The following NELFCD variants were observed in gnomAD, a reference collection of about 807,000 sequenced individuals.
The protein encoded by NELFCD is negative elongation factor C/D.
A neutral mutation model predicts 72.9 loss-of-function variants in NELFCD; 48 were observed. That is an observed-to-expected ratio of 0.66 (90% confidence interval 0.52 to 0.84). The LOEUF (loss-of-function observed/expected upper bound fraction) is 0.84. NELFCD is among the 40% of genes least tolerant of loss of function. The pLI, the probability that NELFCD is intolerant of heterozygous loss-of-function variation, is 0.00. For missense variants in NELFCD, 538 were observed against 723.8 expected (o/e 0.74, Z 2.94); for synonymous variants, 297 against 280.6 (o/e 1.06, Z -0.59).
In NELFCD at chr20:58,990,979, T is replaced by C. The variant is rs2091812210; in HGVS notation, c.858T>C (p.Ala286=). The C allele has an allele frequency of 2.5e-6, 4 of 1,614,148 alleles. No individual in the cohort carries two copies. The South Asian group carries it at 4.4e-5, about 18-fold the overall frequency. The change falls in exon 8 of 15, where the codon GCT becomes GCC. Residue 286 remains alanine (A), a synonymous_variant. Coordinates refer to ENST00000652272, the MANE Select transcript of NELFCD (RefSeq NM_198976.4). Reference sequence around the variant, plus strand: ...CCTCCTACCCCAGGGCCTGCCAGGCTCTCGGGGCCATGCTGTCCAAAGGAG... The same window carrying C: ...CCTCCTACCCCAGGGCCTGCCAGGCCCTCGGGGCCATGCTGTCCAAAGGAG... The part of the protein sequence containing the change: ...TAASYPRACQ[A]LGAMLSKGAL...
chr20:58,991,841 C>G (rs1569059575), intron 9 of NELFCD, 40 bp from the exon 10 acceptor site: 2 of 1,605,088 alleles, frequency 1.2e-6, no homozygotes, highest in Non-Finnish European at 1.7e-6. Context: ...GCAGGGATAT[C>G]TGCCCTGTCA....
intron 5 of NELFCD, 38 bp from the exon 6 acceptor site, chr20:58,989,450 T>G (rs765075357): frequency 5.0e-6 from 8 of 1,609,674 alleles, no homozygotes; most frequent in African/African-American, 1.3e-5. Flanking sequence ...GTGCGGTCAC[T>G]GCATGCCTCC....
chr20:58,991,749 T>C (rs1286762899), intron 9 of NELFCD, 132 bp from the exon 10 acceptor site: 1 of 1,061,444 alleles, frequency 9.4e-7, no homozygotes, highest in East Asian at 2.6e-5. Context: ...CTGTGAAGTT[T>C]GACAGCTGAA....
chr20:58,987,676 G>A (rs1276570226), intron 3 of NELFCD, 32 bp from the exon 4 acceptor site: 1 of 1,556,642 alleles, frequency 6.4e-7, no homozygotes, highest in Non-Finnish European at 8.8e-7. Context: ...TGGACAGCTT[G>A]CCATTGTCTA....
chr20:58,984,638 G>T (rs552712976), intron 1 of NELFCD, among the ~76,000 whole-genome samples: 3 of 152,184 alleles, frequency 2.0e-5, no homozygotes, highest in East Asian at 3.8e-4. Context: ...TGTTTCTAGG[G>T]AAGAGATGTC....
Position 58,993,648 on chromosome 20 carries a change from G to A in NELFCD, c.1465G>A (p.Asp489Asn). The A allele has an allele frequency of 6.2e-7, 1 of 1,614,228 alleles. No individual in the cohort carries two copies. Among genetic ancestry groups the A allele is most frequent in the Non-Finnish European group, 8.5e-7 (1 of 1,180,044 alleles). Reference protein sequence around the residue: ...EQLELKKTLLDRMVHLLSRGY... With the variant: ...EQLELKKTLLNRMVHLLSRGY... ...GCTTGAGTTGAAGAAGACACTGCTG[G>A]ACAGGATGGTTCACCTGCTGAGTCG... is the stretch of plus-strand genomic sequence containing the variant. The change falls in exon 13 of 15, where the codon GAC becomes AAC. Residue 489 changes from aspartate to asparagine, a missense_variant. By Grantham distance (23) the Asp-to-Asn change is conservative. Coordinates refer to ENST00000652272, the MANE Select transcript of NELFCD (RefSeq NM_198976.4). This position sits in a 1 kb window ranked among gnomAD's most constrained non-coding sequence, Gnocchi z 5.0.
Position 58,992,036 on chromosome 20 carries a change from C to G in NELFCD, c.1229+16C>G. The G allele has an allele frequency of 6.3e-7, 1 of 1,599,474 alleles. No individual in the cohort carries two copies. The highest frequency in any genetic ancestry group is 1.7e-5 in the Admixed American group (1 of 58,672). ...AGTGTATTAGGTAAGCAAAACGAAA[C>G]TCAGTTCTTAAATCAGTCCTTTGGG... On this transcript the variant is annotated intron_variant, in intron 10 of 14. Coordinates refer to ENST00000652272, the MANE Select transcript of NELFCD (RefSeq NM_198976.4).
Position 58,993,180 on chromosome 20 carries a change from C to G in NELFCD, c.1344+68C>G. The G allele has an allele frequency of 8.6e-7, 1 of 1,157,154 alleles. No homozygotes were observed. The highest frequency in any genetic ancestry group is 2.3e-5 in the East Asian group (1 of 42,626). The allele number at this position is 1,157,154 out of a possible 1,614,324, so 71.7% of individuals were successfully genotyped here. On this transcript the variant is annotated intron_variant, in intron 11 of 14. Coordinates refer to ENST00000652272, the MANE Select transcript of NELFCD (RefSeq NM_198976.4). This position sits in a 1 kb window ranked among gnomAD's most constrained non-coding sequence, Gnocchi z 5.0. ...CTCATGCTGTTTACGTTGGCATTAA[C>G]ATTGCATCTATTCAGTGAGTTTAGA...
At chr20:58,992,468 C>T (rs761007630) in intron 10 of NELFCD, among the ~76,000 whole-genome samples, 1 of 152,198 alleles carries the variant, frequency 6.6e-6, no homozygotes, top group African/African-American at 2.4e-5. Context: ...CAACCCAGTC[C>T]ACCAAACTCA....
At chr20:58,987,651 A>G in intron 3 of NELFCD, 57 bp from the exon 4 acceptor site, 1 of 1,421,894 alleles carries the variant, frequency 7.0e-7, no homozygotes, top group South Asian at 1.2e-5. Context: ...TTGCTTTCTA[A>G]AGCCACACAG....
chr20:58,991,251 G>A, intron 8 of NELFCD, 61 bp from the exon 9 acceptor site: 11 of 1,608,786 alleles, frequency 6.8e-6, no homozygotes, highest in Middle Eastern at 3.4e-4. Flanking sequence ...ACCCTGAGGG[G>A]AGGTGGGTGA....
At position 58,981,267 on chromosome 20, in the gene NELFCD, T is replaced by G; in HGVS notation, c.-43T>G. ...TCCCCGCCTCGCGCATGCGCCGCGC[T>G]CGCTCGCGGGAGGGCATGGCGGGGG... is the stretch of plus-strand genomic sequence containing the variant. On this transcript the variant is annotated 5_prime_UTR_variant, in exon 1 of 15. Transcript: ENST00000652272. 9.6e-7 allele frequency: 1 copy of G among 1,043,900 alleles called. No homozygotes were observed. The allele number at this position is 1,043,900 out of a possible 1,614,324, so 64.7% of individuals were successfully genotyped here.
intron 1 of NELFCD, among the ~76,000 whole-genome samples, chr20:58,982,735 G>C (rs2091744780): frequency 6.6e-6 from 1 of 152,158 alleles, no homozygotes; most frequent in Non-Finnish European, 1.5e-5. Context: ...GAATGGTATG[G>C]CTTGTTCAGG....
chr20:58,994,760 C>T lies in NELFCD; in HGVS notation c.*84C>T, dbSNP rs1221597223. On this transcript the variant is annotated 3_prime_UTR_variant, in exon 15 of 15. Transcript: ENST00000652272. ...TTTCAAGAAGCTGTTTTAAGAGGCT[C>T]GGGCAGCGTCTTGAAAATGGGCACC... is the stretch of plus-strand genomic sequence containing the variant. 1.0e-5 allele frequency: 12 copies of T among 1,197,710 alleles called. No homozygotes were observed. Among genetic ancestry groups the T allele is most frequent in the Non-Finnish European group, 1.5e-5 (12 of 814,840 alleles). 74.2% of individuals were successfully genotyped at this position (1,197,710 alleles called of 1,614,324 possible). A position where few individuals can be genotyped will look rare whatever the true frequency, so the allele number is the denominator to read the frequency against.
In NELFCD at chr20:58,993,189, T is replaced by A. The variant is rs2091830291; in HGVS notation, c.1344+77T>A. On this transcript the variant is annotated intron_variant, in intron 11 of 14. Transcript: ENST00000652272. This position sits in a 1 kb window ranked among gnomAD's most constrained non-coding sequence, Gnocchi z 5.0. ...TTTACGTTGGCATTAACATTGCATC[T>A]ATTCAGTGAGTTTAGAGGATACTCT... 1 of 1,111,020 alleles carries A rather than the reference T, an allele frequency of 9.0e-7. No homozygotes were observed. The highest frequency in any genetic ancestry group is 1.4e-6 in the Non-Finnish European group (1 of 725,188). The allele number at this position is 1,111,020 out of a possible 1,614,324, so 68.8% of individuals were successfully genotyped here.
Position 58,991,961 on chromosome 20 carries a change from C to A in NELFCD, c.1170C>A (p.Asn390Lys), listed in dbSNP as rs372620907. The change falls in exon 10 of 15, where the codon AAC becomes AAA. Residue 390 changes from asparagine to lysine, a missense_variant. Asn to Lys is a moderately conservative substitution (Grantham distance 94). Coordinates refer to ENST00000652272, the MANE Select transcript of NELFCD (RefSeq NM_198976.4). ...AVETVHNLCCNENKGASELVA... is the reference protein window; with the variant it reads ...AVETVHNLCCKENKGASELVA... ...AAACCGTTCACAATTTGTGTTGCAA[C>A]GAGAACAAAGGGGCCTCTGAACTAG... The A allele has an allele frequency of 6.2e-7, 1 of 1,614,110 alleles. No homozygotes were observed.
rs1258465225 is a variant in NELFCD at position 58,989,652 on chromosome 20, C to A, written c.657+12C>A. 6.2e-7 allele frequency: 1 copy of A among 1,614,164 alleles called. No individual in the cohort carries two copies. Among genetic ancestry groups the A allele is most frequent in the South Asian group, 1.1e-5 (1 of 91,084 alleles). On this transcript the variant is annotated intron_variant, in intron 6 of 14. Coordinates refer to ENST00000652272, the MANE Select transcript of NELFCD (RefSeq NM_198976.4). ...TCCCTGAGTTTGCCGTAAGTTCTTTCTTTATGAACCTCAGATTAGAAGGAG... is the reference window on the plus strand; with the variant it reads ...TCCCTGAGTTTGCCGTAAGTTCTTTATTTATGAACCTCAGATTAGAAGGAG...
chr20:58,984,338 A>G (rs187664788), intron 1 of NELFCD, among the ~76,000 whole-genome samples: 295 of 152,314 alleles, frequency 1.9e-3, no homozygotes, highest in African/African-American at 6.9e-3. Flanking sequence ...GTGGCTTACA[A>G]AGATCACTGT....
intron 1 of NELFCD, among the ~76,000 whole-genome samples, chr20:58,984,255 G>A (rs1489867564): frequency 6.6e-6 from 1 of 152,136 alleles, no homozygotes; most frequent in East Asian, 1.9e-4. Flanking sequence ...GGAAGGGCAC[G>A]CTCTTGCTAG....
Sources: allele counts gnomAD v4.1 joint callset (sites outside exome capture counted in the v4.1 genomes callset), GRCh38; gene constraint gnomAD v4.1.1; non-coding constraint Gnocchi (gnomAD v3.1); transcripts MANE v1.5; gene names NCBI Gene and HGNC (gene_info 2026-07-23, HGNC 2026-07-21).